The following ZNF722 variants were observed in gnomAD, a reference collection of about 807,000 sequenced individuals.
ZNF722 encodes the protein zinc finger protein 722.
the ZNF722 span, among the ~76,000 whole-genome samples, chr7:64,001,238 C>T: frequency 6.6e-6 from 1 of 152,152 alleles, no homozygotes; most frequent in Non-Finnish European, 1.5e-5. Context: ...TCGTCATCCT[C>T]CGACCCTCCA....
At chr7:64,011,410 T>C in the ZNF722 span, among the ~76,000 whole-genome samples, 1 of 152,218 alleles carries the variant, frequency 6.6e-6, no homozygotes, top group Non-Finnish European at 1.5e-5. Context: ...CCATGTTTAG[T>C]GCTTCCTTCA....
At chr7:64,015,933 T>C in the ZNF722 span, 1 of 1,405,342 alleles carries the variant, frequency 7.1e-7, no homozygotes. Flanking sequence ...TGGCAAATTC[T>C]AGCCCTCAGG....
chr7:64,009,911 A>G, the ZNF722 span, among the ~76,000 whole-genome samples: 6 of 152,230 alleles, frequency 3.9e-5, no homozygotes, highest in Non-Finnish European at 7.4e-5. Flanking sequence ...TTATTGCCTC[A>G]ATTTCAGAGC....
At chr7:64,012,233 G>A in the ZNF722 span, among the ~76,000 whole-genome samples, 45 of 152,096 alleles carry the variant, frequency 3.0e-4, no homozygotes, top group South Asian at 1.7e-3. Flanking sequence ...CCTTTAGCTC[G>A]GAGAAGTTTG....
chr7:64,003,015 A>C, the ZNF722 span, among the ~76,000 whole-genome samples: 2 of 152,218 alleles, frequency 1.3e-5, no homozygotes, highest in Non-Finnish European at 2.9e-5. Flanking sequence ...CATTCCTGGA[A>C]CTTTTTGGAT....
the ZNF722 span, chr7:64,016,073 AT>A: frequency 1.7e-6 from 1 of 583,212 alleles, no homozygotes; most frequent in Non-Finnish European, 2.9e-6. Flanking sequence ...AATTTTATAA[AT>A]GTAAAAAAAT....
the ZNF722 span, among the ~76,000 whole-genome samples, chr7:64,016,770 A>C: frequency 1.9e-3 from 289 of 152,306 alleles, 2 homozygotes; most frequent in Non-Finnish European, 1.9e-3. Context: ...GAGAAACTCT[A>C]CAGCATAAAA....
the ZNF722 span, chr7:64,016,106 C>G: frequency 1.8e-4 from 96 of 527,442 alleles, no homozygotes; most frequent in African/African-American, 1.3e-3. Context: ...TTTGACCAAC[C>G]CTCAAACCTT....
chr7:64,011,876 T>C, the ZNF722 span, among the ~76,000 whole-genome samples: 1 of 152,232 alleles, frequency 6.6e-6, no homozygotes, highest in African/African-American at 2.4e-5. Flanking sequence ...CCTGTCACTT[T>C]CAGGTACACC....
At chr7:64,011,705 G>A in the ZNF722 span, among the ~76,000 whole-genome samples, 2 of 151,958 alleles carry the variant, frequency 1.3e-5, no homozygotes, top group African/African-American at 4.8e-5. Context: ...TTCAACTTTG[G>A]TGAATCTGAC....
the ZNF722 span, chr7:64,016,222 T>C: frequency 4.5e-6 from 1 of 222,626 alleles, no homozygotes; most frequent in African/African-American, 2.3e-5. Context: ...CACTGTAACC[T>C]CTGCCTTCCA....
At chr7:64,007,191 A>G in the ZNF722 span, among the ~76,000 whole-genome samples, 26 of 144,484 alleles carry the variant, frequency 1.8e-4, no homozygotes, top group Admixed American at 4.8e-4. Context: ...ATTTTGTGCA[A>G]CCTTTCAAGT....
At chr7:64,015,438 TC>T in the ZNF722 span, 1 of 1,598,638 alleles carries the variant, frequency 6.3e-7, no homozygotes, top group Non-Finnish European at 8.6e-7. Flanking sequence ...CTTTAAACGC[TC>T]CTCAAACTGT....
chr7:64,016,202 A>C, the ZNF722 span: 1 of 263,652 alleles, frequency 3.8e-6, no homozygotes, highest in Non-Finnish European at 7.2e-6. Flanking sequence ...GCAGTGGCAC[A>C]AACTCAGCTC....
chr7:64,010,476 A>G, the ZNF722 span, among the ~76,000 whole-genome samples: 1 of 152,066 alleles, frequency 6.6e-6, no homozygotes, highest in Non-Finnish European at 1.5e-5. Context: ...GAACATCTTT[A>G]TTTCTGCCTT....
chr7:63,998,893 G>C, the ZNF722 span: 1 of 1,495,472 alleles, frequency 6.7e-7, no homozygotes, highest in Middle Eastern at 1.8e-4. Flanking sequence ...TTTTCTTCAG[G>C]GCTCTGCATT....
the ZNF722 span, among the ~76,000 whole-genome samples, chr7:64,012,283 CAA>C: frequency 1.3e-5 from 2 of 152,174 alleles, no homozygotes; most frequent in African/African-American, 4.8e-5. Context: ...GTCAACTCGT[CAA>C]AGTCATTCTC....
At chr7:64,015,966 T>A in the ZNF722 span, 1 of 1,145,102 alleles carries the variant, frequency 8.7e-7, no homozygotes, top group South Asian at 1.5e-5. Context: ...TACAATAATT[T>A]ATGCTGGAAA....
chr7:64,009,569 G>A, the ZNF722 span, among the ~76,000 whole-genome samples: 1 of 152,184 alleles, frequency 6.6e-6, no homozygotes, highest in East Asian at 1.9e-4. Flanking sequence ...TGTTGAACCA[G>A]CCTTGCATCC....
Sources: gnomAD v4.1 joint callset for allele counts (sites outside exome capture counted in the v4.1 genomes callset) on GRCh38, gnomAD v4.1.1 for gene constraint, MANE v1.5 for transcripts, NCBI Gene and HGNC (gene_info 2026-07-23, HGNC 2026-07-21) for gene names.